Variants in EXOC6B observed in about 807,000 individuals in gnomAD.
EXOC6B encodes exocyst complex component 6B, also known as SEC15 homolog B.
Under a neutral mutation model 113.5 loss-of-function variants are expected in EXOC6B, and 54 were observed. The observed-to-expected ratio is 0.48, with a 90% CI of 0.38 to 0.60. EXOC6B has a LOEUF of 0.60. Among genes scored for constraint, EXOC6B ranks in the 20% least tolerant of loss-of-function variants. The probability of loss-of-function intolerance (pLI) is 0.00; values close to 1 mark genes in which losing one functional copy is unlikely to be tolerated. For missense variants in EXOC6B, 797 were observed against 977.5 expected (o/e 0.82, Z 2.46); for synonymous variants, 357 against 339.0 (o/e 1.05, Z -0.58).
chr2:72,595,673 G>C (rs1298794250), intron 6 of EXOC6B, among the ~76,000 whole-genome samples: 1 of 151,830 alleles, frequency 6.6e-6, no homozygotes, highest in Non-Finnish European at 1.5e-5. Flanking sequence ...TCATAAAGGA[G>C]AGAAGTGACA....
chr2:72,519,356 T>TGTC (rs1376199078), intron 8 of EXOC6B, among the ~76,000 whole-genome samples: 1 of 152,176 alleles, frequency 6.6e-6, no homozygotes, highest in Non-Finnish European at 1.5e-5. Context: ...ACCAACGTGC[T>TGTC]GTCTAGTGTT....
At chr2:72,255,586 T>C (rs1013924165) in intron 20 of EXOC6B, among the ~76,000 whole-genome samples, 2 of 152,198 alleles carry the variant, frequency 1.3e-5, no homozygotes, top group East Asian at 1.9e-4. Context: ...TTCCCCCTTT[T>C]GGAATGAAAA....
chr2:72,336,301 A>G (rs777503041), intron 19 of EXOC6B, among the ~76,000 whole-genome samples: 3 of 152,234 alleles, frequency 2.0e-5, no homozygotes, highest in Admixed American at 6.5e-5. Flanking sequence ...TCCAACAACT[A>G]GTGGCTGGAT....
At chr2:72,760,208 C>G (rs1177241777) in intron 1 of EXOC6B, among the ~76,000 whole-genome samples, 1 of 152,106 alleles carries the variant, frequency 6.6e-6, no homozygotes, top group East Asian at 1.9e-4. Flanking sequence ...AGATGCTCCA[C>G]CAAAAAAAAT....
At position 72,753,571 on chromosome 2, in the gene EXOC6B, T is replaced by G. The variant is rs1573741482; in HGVS notation, c.114-12102A>C. Reference sequence around the variant, plus strand: ...TTCGTAACAATCCATCTTCAATACTTCTTTGACAGTAATTTTTTAAATGAG... The same window carrying G: ...TTCGTAACAATCCATCTTCAATACTGCTTTGACAGTAATTTTTTAAATGAG... On this transcript the variant is annotated intron_variant, in intron 1 of 21. Coordinates refer to ENST00000272427, the MANE Select transcript of EXOC6B (RefSeq NM_015189.3). 2.0e-5 allele frequency among the ~76,000 whole-genome samples: 3 copies of G among 152,310 alleles called. No individual in the cohort carries two copies. In the South Asian group the frequency reaches 6.2e-4, roughly 32 times the overall value.
intron 1 of EXOC6B, among the ~76,000 whole-genome samples, chr2:72,804,078 A>G (rs1685447691): frequency 6.6e-6 from 1 of 152,202 alleles, no homozygotes; most frequent in South Asian, 2.1e-4. Context: ...GTGATAAAGC[A>G]ACACAGCTCT....
intron 19 of EXOC6B, among the ~76,000 whole-genome samples, chr2:72,368,331 G>A (rs1207183571): frequency 6.6e-6 from 1 of 152,132 alleles, no homozygotes; most frequent in African/African-American, 2.4e-5. Flanking sequence ...TTGAATCTCT[G>A]AATAGACCAA....
chr2:72,678,572 T>C (rs1366310163), intron 6 of EXOC6B, among the ~76,000 whole-genome samples: 1 of 152,082 alleles, frequency 6.6e-6, no homozygotes, highest in African/African-American at 2.4e-5. Flanking sequence ...CAGGTATGCT[T>C]GCACACAACT....
intron 17 of EXOC6B, among the ~76,000 whole-genome samples, chr2:72,471,694 T>C (rs550186120): frequency 2.6e-5 from 4 of 152,318 alleles, no homozygotes; most frequent in African/African-American, 9.6e-5. Flanking sequence ...ATGCCTTTTA[T>C]TTCTTTCTCT....
At chr2:72,564,020 G>A (rs2103734348) in intron 7 of EXOC6B, among the ~76,000 whole-genome samples, 1 of 152,208 alleles carries the variant, frequency 6.6e-6, no homozygotes, top group Middle Eastern at 3.4e-3. Context: ...AGGCAGGAAA[G>A]AAAAATTATC....
chr2:72,477,359 A>C (rs917842626), intron 17 of EXOC6B, among the ~76,000 whole-genome samples: 1 of 151,860 alleles, frequency 6.6e-6, no homozygotes, highest in Non-Finnish European at 1.5e-5. Context: ...ACTATCTTTG[A>C]CTCCTGTCTT....
intron 20 of EXOC6B, among the ~76,000 whole-genome samples, chr2:72,212,410 G>T (rs1026676351): frequency 2.0e-5 from 3 of 152,082 alleles, no homozygotes; most frequent in Non-Finnish European, 4.4e-5. Flanking sequence ...AATAGCCCTA[G>T]AAAATAATAG....
intron 19 of EXOC6B, among the ~76,000 whole-genome samples, chr2:72,338,072 G>T (rs374791736): frequency 2.0e-5 from 3 of 152,240 alleles, no homozygotes; most frequent in East Asian, 3.9e-4. Context: ...TTGATTAAGG[G>T]GATGGACTTT....
In EXOC6B at chr2:72,500,808, G is replaced by C. The variant is rs1700279063; in HGVS notation, c.1168-836C>G. On this transcript the variant is annotated intron_variant, in intron 11 of 21. Coordinates refer to ENST00000272427, the MANE Select transcript of EXOC6B (RefSeq NM_015189.3). Reference sequence around the variant, plus strand: ...TCTTTAATTATAATTTTTGTTACTTGCTCTCTCATTGGTCTCTCAAGTCCT... The same window carrying C: ...TCTTTAATTATAATTTTTGTTACTTCCTCTCTCATTGGTCTCTCAAGTCCT... Among the ~76,000 whole-genome samples the C allele has an allele frequency of 1.3e-5, 2 of 152,058 alleles. 1 individual carries two copies. The highest frequency in any genetic ancestry group is 3.8e-4 in the East Asian group (2 of 5,202).
chr2:72,657,567 C>CTTTTTTTTTTTTTTTTTTTTTTTTTT (rs70963136), intron 6 of EXOC6B, among the ~76,000 whole-genome samples: 6 of 50,380 alleles, frequency 1.2e-4, no homozygotes, highest in East Asian at 6.4e-4. Flanking sequence ...CTTTCCTTTT[C>CTTTTTTTTTTTTTTTTTTTTTTTTTT]TTTTTTTTTT....
At chr2:72,319,133 CAA>C (rs1687704083) in intron 20 of EXOC6B, among the ~76,000 whole-genome samples, 1 of 151,710 alleles carries the variant, frequency 6.6e-6, no homozygotes, top group Admixed American at 6.5e-5. Flanking sequence ...AATATAAAAA[CAA>C]AACATTAGAA....
At chr2:72,666,092 G>A (rs1490533337) in intron 6 of EXOC6B, among the ~76,000 whole-genome samples, 1 of 152,150 alleles carries the variant, frequency 6.6e-6, no homozygotes, top group South Asian at 2.1e-4. Context: ...GAAGGACAAA[G>A]ATGGGTATTA....
chr2:72,816,112 T>C (rs1686227932), intron 1 of EXOC6B, among the ~76,000 whole-genome samples: 1 of 152,162 alleles, frequency 6.6e-6, no homozygotes. Flanking sequence ...TAAGCAGAGA[T>C]TGCGCCACTG....
rs1303600295 is a variant in EXOC6B at position 72,791,042 on chromosome 2, A to G, written c.113+34756T>C. Among the ~76,000 whole-genome samples the G allele has an allele frequency of 2.6e-5, 4 of 152,324 alleles. No homozygotes were observed. The East Asian group carries it at 7.7e-4, about 29-fold the overall frequency. ...CAGTATTCTACGGCATTACAGAGCA[A>G]GTATAGTTAACAGTAATTTAGTGTA... On this transcript the variant is annotated intron_variant, in intron 1 of 21. Transcript: ENST00000272427.
Sources: gnomAD v4.1 joint callset for allele counts (sites outside exome capture counted in the v4.1 genomes callset) on GRCh38, gnomAD v4.1.1 for gene constraint, MANE v1.5 for transcripts, NCBI Gene and HGNC (gene_info 2026-07-23, HGNC 2026-07-21) for gene names.